TENM2: variants seen among roughly 807,000 people sequenced by gnomAD.
The protein encoded by TENM2 is teneurin-2.
Under a neutral mutation model 245.2 loss-of-function variants are expected in TENM2, and 52 were observed. The ratio of observed to expected loss-of-function variants is 0.21; its 90% CI spans 0.17 to 0.27. TENM2 has a LOEUF of 0.27. Among genes scored for constraint, TENM2 ranks in the 10% least tolerant of loss-of-function variants. The probability of loss-of-function intolerance (pLI) is 1.00; values close to 1 mark genes in which losing one functional copy is unlikely to be tolerated. For synonymous variants in TENM2, 1,363 were observed against 1,438.9 expected (o/e 0.95, Z 1.19); for missense variants, 3,046 against 3,666.8 (o/e 0.83, Z 4.37).
At chr5:167,092,815 A>C in the TENM2 span, among the ~76,000 whole-genome samples, 1 of 152,228 alleles carries the variant, frequency 6.6e-6, no homozygotes, top group Non-Finnish European at 1.5e-5. Flanking sequence ...GTTCTCTAGA[A>C]AAATGAACAA....
At chr5:167,332,566 A>G (rs1757523409) in intron 1 of TENM2, among the ~76,000 whole-genome samples, 2 of 152,146 alleles carry the variant, frequency 1.3e-5, no homozygotes, top group East Asian at 3.9e-4. Context: ...TTGGCAGTGG[A>G]CGCTTGGCTC....
At chr5:167,154,738 C>T in the TENM2 span, among the ~76,000 whole-genome samples, 3 of 152,062 alleles carry the variant, frequency 2.0e-5, no homozygotes, top group Non-Finnish European at 4.4e-5. Flanking sequence ...GTAAGTGACT[C>T]GACTTCTCCG....
chr5:167,776,631 A>G (rs1158989539), intron 2 of TENM2, among the ~76,000 whole-genome samples: 2 of 8,898 alleles, frequency 2.2e-4, no homozygotes, highest in African/African-American at 5.3e-4. Flanking sequence ...AAAAAACCAT[A>G]TATATGTATC....
At chr5:167,507,726 A>G (rs1046755841) in intron 2 of TENM2, among the ~76,000 whole-genome samples, 14 of 152,170 alleles carry the variant, frequency 9.2e-5, no homozygotes, top group African/African-American at 2.7e-4. Flanking sequence ...AAATAAAACA[A>G]TTACCAGGTT....
At chr5:168,135,556 A>G (rs1754977803) in intron 12 of TENM2, among the ~76,000 whole-genome samples, 1 of 152,178 alleles carries the variant, frequency 6.6e-6, no homozygotes, top group Non-Finnish European at 1.5e-5. Context: ...AGGTAACCAC[A>G]TCGTTGGCTA....
chr5:167,381,831 C>G (rs1761113014), intron 2 of TENM2, among the ~76,000 whole-genome samples: 1 of 152,112 alleles, frequency 6.6e-6, no homozygotes, highest in African/African-American at 2.4e-5. Context: ...AATGTTACTT[C>G]TTTTGGTAAG....
At chr5:167,752,514 C>T (rs1030260596) in intron 2 of TENM2, among the ~76,000 whole-genome samples, 14 of 152,052 alleles carry the variant, frequency 9.2e-5, no homozygotes, top group Non-Finnish European at 1.6e-4. Flanking sequence ...ACTACAGAGC[C>T]AACAAAGTGC....
In TENM2 at chr5:167,952,837, C is replaced by T. The variant is rs957070483; in HGVS notation, c.947+15C>T. 2 of 1,547,710 alleles carry T rather than the reference C, an allele frequency of 1.3e-6. No individual in the cohort carries two copies. Among genetic ancestry groups the T allele is most frequent in the Non-Finnish European group, 1.7e-6 (2 of 1,143,422 alleles). On this transcript the variant is annotated intron_variant, in intron 4 of 28. Coordinates refer to ENST00000518659, the Ensembl canonical transcript of TENM2. ...CTGGAGACCCGGTAAGTCCCCATCGCCAGCTCACAGTCACACTCAGTGTCA... is the reference window on the plus strand; with the variant it reads ...CTGGAGACCCGGTAAGTCCCCATCGTCAGCTCACAGTCACACTCAGTGTCA...
chr5:167,952,533 G>A, intron 3 of TENM2, 55 bp from the exon 6 acceptor site: 1 of 1,432,090 alleles, frequency 7.0e-7, no homozygotes, highest in Non-Finnish European at 9.6e-7. Context: ...GGTTTGCAGA[G>A]TGCCTGAGAC....
At chr5:167,562,628 A>G (rs552440420) in intron 2 of TENM2, among the ~76,000 whole-genome samples, 1 of 152,282 alleles carries the variant, frequency 6.6e-6, no homozygotes, top group Admixed American at 6.5e-5. Context: ...AAGTATTCAA[A>G]TGGAAGCCTG....
At chr5:167,760,142 A>G (rs1762568239) in intron 2 of TENM2, among the ~76,000 whole-genome samples, 1 of 152,114 alleles carries the variant, frequency 6.6e-6, no homozygotes, top group Non-Finnish European at 1.5e-5. Context: ...TCACTGGTTA[A>G]AACTCCGCAT....
chr5:167,881,523 C>T (rs1773875932), intron 3 of TENM2, among the ~76,000 whole-genome samples: 1 of 152,188 alleles, frequency 6.6e-6, no homozygotes, highest in Admixed American at 6.5e-5. Context: ...TTATTTTTCA[C>T]TCTTGATTTT....
the TENM2 span, among the ~76,000 whole-genome samples, chr5:167,185,172 C>T: frequency 3.3e-5 from 5 of 151,996 alleles, no homozygotes; most frequent in East Asian, 1.9e-4. Flanking sequence ...TGGAGAACCC[C>T]GACAAATACA....
intron 1 of TENM2, among the ~76,000 whole-genome samples, chr5:167,365,684 G>C (rs533392956): frequency 1.6e-4 from 24 of 151,852 alleles, no homozygotes; most frequent in Non-Finnish European, 3.2e-4. Context: ...GTCTTTATTA[G>C]GGTCACCATA....
the TENM2 span, among the ~76,000 whole-genome samples, chr5:167,064,858 T>G: frequency 6.6e-6 from 1 of 152,218 alleles, no homozygotes; most frequent in Non-Finnish European, 1.5e-5. Flanking sequence ...AAATAAATTT[T>G]GTTCTTAGAC....
chr5:167,955,233 T>C (rs1476777897), intron 4 of TENM2, among the ~76,000 whole-genome samples: 2 of 152,228 alleles, frequency 1.3e-5, no homozygotes, highest in Non-Finnish European at 2.9e-5. Context: ...ATGAGCTTTT[T>C]TTCATATGGT....
At chr5:168,040,451 G>A (rs780413830) in intron 5 of TENM2, among the ~76,000 whole-genome samples, 2 of 152,138 alleles carry the variant, frequency 1.3e-5, no homozygotes, top group African/African-American at 2.4e-5. Flanking sequence ...GAACATTCTC[G>A]GGAGATAGGT....
the TENM2 span, among the ~76,000 whole-genome samples, chr5:167,163,406 C>T: frequency 6.6e-6 from 1 of 152,142 alleles, no homozygotes; most frequent in African/African-American, 2.4e-5. Flanking sequence ...GCCAACCCTT[C>T]TAAATATGAA....
At chr5:168,258,178 G>GT (rs1234074643) in intron 27 of TENM2, among the ~76,000 whole-genome samples, 1 of 152,152 alleles carries the variant, frequency 6.6e-6, no homozygotes, top group Non-Finnish European at 1.5e-5. Context: ...GTGCAGGAAT[G>GT]TTTATAGCAG....
Sources: allele counts gnomAD v4.1 joint callset (sites outside exome capture counted in the v4.1 genomes callset), GRCh38; gene constraint gnomAD v4.1.1; transcripts MANE v1.5; gene names NCBI Gene and HGNC (gene_info 2026-07-23, HGNC 2026-07-21).